Variants in IMMP2L observed in about 807,000 individuals in gnomAD.
IMMP2L encodes inner mitochondrial membrane peptidase subunit 2.
IMMP2L carries 18 observed loss-of-function variants against 19.3 expected under a neutral mutation model. The ratio of observed to expected loss-of-function variants is 0.93; its 90% CI spans 0.64 to 1.38. IMMP2L has a LOEUF of 1.38. Ranked by LOEUF, IMMP2L falls within the 40% of genes most tolerant of loss-of-function variation. The pLI is 0.00. For synonymous variants in IMMP2L, 76 were observed against 73.0 expected, an observed-to-expected ratio of 1.04 and a Z score of -0.21; for missense variants, 233 against 218.2, an observed-to-expected ratio of 1.07 and a Z score of -0.43.
Position 111,291,387 on chromosome 7 carries a change from T to A in IMMP2L, c.239+195851A>T, listed in dbSNP as rs770261045. ...CCCTAAGGAGTTCTACCAAACTGAATGAGTCTCCTAATTACAACATTAAAA... is the reference window on the plus strand; with the variant it reads ...CCCTAAGGAGTTCTACCAAACTGAAAGAGTCTCCTAATTACAACATTAAAA... On this transcript the variant is annotated intron_variant, in intron 3 of 5. Coordinates refer to ENST00000405709, the MANE Select transcript of IMMP2L (RefSeq NM_032549.4). 4.6e-5 allele frequency among the ~76,000 whole-genome samples: 7 copies of A among 152,186 alleles called. 1 individual carries two copies. The highest frequency in any genetic ancestry group is 4.6e-4 in the Admixed American group (7 of 15,258).
At chr7:110,888,975 C>G (rs143045187) in intron 4 of IMMP2L, among the ~76,000 whole-genome samples, 1 of 152,072 alleles carries the variant, frequency 6.6e-6, no homozygotes, top group Non-Finnish European at 1.5e-5. Context: ...GCCATAAAGG[C>G]AGAATAATAG....
chr7:111,143,672 A>T (rs2129599527), intron 3 of IMMP2L, among the ~76,000 whole-genome samples: 1 of 152,268 alleles, frequency 6.6e-6, no homozygotes, highest in Admixed American at 6.5e-5. Context: ...TAATACCTTT[A>T]AAAAAGATAA....
chr7:110,670,689 C>CA (rs376027021), intron 5 of IMMP2L, among the ~76,000 whole-genome samples: 23,150 of 90,960 alleles, frequency 0.25, 2,209 homozygotes, highest in South Asian at 0.43. Context: ...GACTCCGTCT[C>CA]AAAAAAAAAA....
chr7:111,302,356 G>A lies in IMMP2L; in HGVS notation c.239+184882C>T, dbSNP rs186888290. ...CCAAAATATAAGTTTCATATGAACAGGATCCTTGTCTGCCTTGTTCAGCAG... is the reference window on the plus strand; with the variant it reads ...CCAAAATATAAGTTTCATATGAACAAGATCCTTGTCTGCCTTGTTCAGCAG... On this transcript the variant is annotated intron_variant, in intron 3 of 5. Transcript: ENST00000405709. Among the ~76,000 whole-genome samples, 431 of 152,258 alleles carry A rather than the reference G, an allele frequency of 2.8e-3. 3 individuals are homozygous for A. The highest frequency in any genetic ancestry group is 0.018 in the Admixed American group (281 of 15,274).
intron 3 of IMMP2L, among the ~76,000 whole-genome samples, chr7:111,219,345 T>C (rs1812282120): frequency 6.6e-6 from 1 of 152,018 alleles, no homozygotes; most frequent in South Asian, 2.1e-4. Context: ...AATATGCTGA[T>C]GTTCAGACTG....
chr7:111,197,897 T>C (rs190562988), intron 3 of IMMP2L, among the ~76,000 whole-genome samples: 5 of 152,270 alleles, frequency 3.3e-5, no homozygotes, highest in Admixed American at 1.3e-4. Flanking sequence ...TTGTCACACA[T>C]TAGTAGGGAT....
chr7:111,275,298 C>T (rs537030418), intron 3 of IMMP2L, among the ~76,000 whole-genome samples: 5 of 152,282 alleles, frequency 3.3e-5, no homozygotes, highest in Admixed American at 3.3e-4. Flanking sequence ...CACTCTCACA[C>T]AAACATTTCT....
chr7:110,874,242 A>AAC (rs1469453960), intron 5 of IMMP2L, among the ~76,000 whole-genome samples: 1 of 152,086 alleles, frequency 6.6e-6, no homozygotes, highest in Non-Finnish European at 1.5e-5. Flanking sequence ...TGCTGTAAAT[A>AAC]ACGTTATTAA....
chr7:111,164,152 GA>G (rs1805571385), intron 3 of IMMP2L, among the ~76,000 whole-genome samples: 1 of 151,514 alleles, frequency 6.6e-6, no homozygotes, highest in East Asian at 2.0e-4. Context: ...AGGAAGGAAG[GA>G]AGGAAGGAAG....
At chr7:111,150,095 G>A (rs1803908912) in intron 3 of IMMP2L, among the ~76,000 whole-genome samples, 1 of 152,066 alleles carries the variant, frequency 6.6e-6, no homozygotes, top group African/African-American at 2.4e-5. Context: ...TGACTTGCAA[G>A]AAAACGTAAA....
chr7:111,099,873 C>A (rs1364845003), intron 3 of IMMP2L: 1 of 151,340 alleles, frequency 6.6e-6, no homozygotes, highest in Admixed American at 6.6e-5. Flanking sequence ...TTCTTACATA[C>A]AACAAAGACG....
chr7:111,401,426 AAAAC>A (rs1191449873), intron 3 of IMMP2L, among the ~76,000 whole-genome samples: 1 of 152,168 alleles, frequency 6.6e-6, no homozygotes, highest in African/African-American at 2.4e-5. Flanking sequence ...TCTTTAAAGA[AAAAC>A]AAATCCTGTA....
At chr7:111,175,453 T>C (rs1806940076) in intron 3 of IMMP2L, among the ~76,000 whole-genome samples, 1 of 151,878 alleles carries the variant, frequency 6.6e-6, no homozygotes, top group Non-Finnish European at 1.5e-5. Context: ...AGGTTTGTTA[T>C]GAAGAGAAAT....
chr7:111,061,489 G>C (rs1206486910), intron 3 of IMMP2L, among the ~76,000 whole-genome samples: 1 of 152,152 alleles, frequency 6.6e-6, no homozygotes, highest in Non-Finnish European at 1.5e-5. Flanking sequence ...GTTGCTCAAA[G>C]TGGGGGACTT....
At chr7:110,819,471 T>A (rs914872908) in intron 5 of IMMP2L, among the ~76,000 whole-genome samples, 6 of 152,038 alleles carry the variant, frequency 3.9e-5, no homozygotes, top group African/African-American at 1.4e-4. Context: ...CTAATTAAAA[T>A]AGGGTATGGA....
intron 3 of IMMP2L, among the ~76,000 whole-genome samples, chr7:111,402,910 C>G (rs558951125): frequency 1.3e-5 from 2 of 150,772 alleles, no homozygotes; most frequent in African/African-American, 4.9e-5. Flanking sequence ...TCTATTCTTT[C>G]TTTTCTTTCT....
intron 1 of IMMP2L, among the ~76,000 whole-genome samples, chr7:111,556,298 T>G (rs1791353588): frequency 6.6e-6 from 1 of 151,876 alleles, no homozygotes; most frequent in African/African-American, 2.4e-5. Context: ...TGAGTAGATT[T>G]TAGCTACTCT....
At chr7:111,397,945 T>C (rs1376601967) in intron 3 of IMMP2L, among the ~76,000 whole-genome samples, 1 of 152,178 alleles carries the variant, frequency 6.6e-6, no homozygotes, top group Admixed American at 6.5e-5. Flanking sequence ...CTGGGCCTAC[T>C]ATGAAATAAT....
rs140792206 is a variant in IMMP2L, at chr7:110,834,772, T to C, written c.408+51821A>G. ...GCTGACTTTTCTACAAAGAGAATTG[T>C]AGGGATTAAGACAAATTTAACTGAA... On this transcript the variant is annotated intron_variant, in intron 5 of 5. Coordinates refer to ENST00000405709, the MANE Select transcript of IMMP2L (RefSeq NM_032549.4). Among the ~76,000 whole-genome samples, 18 of 152,306 alleles carry C rather than the reference T, an allele frequency of 1.2e-4. No individual in the cohort carries two copies. The East Asian group carries it at 3.3e-3, about 28-fold the overall frequency.
Sources: allele counts gnomAD v4.1 joint callset (sites outside exome capture counted in the v4.1 genomes callset), GRCh38; gene constraint gnomAD v4.1.1; transcripts MANE v1.5; gene names NCBI Gene and HGNC (gene_info 2026-07-23, HGNC 2026-07-21).